The following CALN1 variants were observed in gnomAD, a reference collection of about 807,000 sequenced individuals.
The protein encoded by CALN1 is calcium-binding protein 8.
CALN1 carries 17 observed loss-of-function variants against 30.6 expected under a neutral mutation model. The observed-to-expected ratio is 0.56, with a 90% confidence interval of 0.38 to 0.83. CALN1 has a LOEUF of 0.83. Ranked by LOEUF, CALN1 falls within the 40% of genes least tolerant of loss-of-function variation. The pLI is 0.00. For synonymous variants in CALN1, 156 were observed against 131.4 expected (o/e 1.19, Z -1.28); for missense variants, 291 against 354.9 (o/e 0.82, Z 1.45).
At chr7:71,950,064 TTTGA>T (rs1323441750) in intron 5 of CALN1, among the ~76,000 whole-genome samples, 1 of 152,126 alleles carries the variant, frequency 6.6e-6, no homozygotes, top group Non-Finnish European at 1.5e-5. Flanking sequence ...GCCTGGCCAC[TTTGA>T]TTTTTAATAA....
chr7:72,197,346 C>A (rs371926574), intron 3 of CALN1, among the ~76,000 whole-genome samples: 13 of 151,894 alleles, frequency 8.6e-5, no homozygotes, highest in African/African-American at 3.1e-4. Context: ...GGATTACAGG[C>A]GCACACCACC....
At chr7:72,075,311 C>T (rs1436229966) in intron 4 of CALN1, among the ~76,000 whole-genome samples, 1 of 152,138 alleles carries the variant, frequency 6.6e-6, no homozygotes, top group Non-Finnish European at 1.5e-5. Flanking sequence ...AATGTTTGAC[C>T]AAATATCTGG....
At chr7:72,481,396 C>A in the CALN1 span, among the ~76,000 whole-genome samples, 12 of 152,174 alleles carry the variant, frequency 7.9e-5, no homozygotes, top group Non-Finnish European at 1.5e-4. Flanking sequence ...GCTGATTTCA[C>A]CAATCTTATT....
chr7:72,109,823 C>T (rs2129541491), intron 3 of CALN1, among the ~76,000 whole-genome samples: 1 of 152,338 alleles, frequency 6.6e-6, no homozygotes. Flanking sequence ...CAAGCGCCAG[C>T]TCTGCTCTGC....
At chr7:72,495,535 T>C in the CALN1 span, among the ~76,000 whole-genome samples, 23,554 of 152,178 alleles carry the variant, frequency 0.15, 2,013 homozygotes, top group African/African-American at 0.21. Flanking sequence ...CATCCCTTGC[T>C]CCATTCAAGC....
chr7:72,110,984 C>T (rs1403832099), intron 3 of CALN1, among the ~76,000 whole-genome samples: 2 of 152,126 alleles, frequency 1.3e-5, no homozygotes, highest in Non-Finnish European at 2.9e-5. Context: ...CTAGGGACCA[C>T]AGATCAAGTT....
At chr7:72,218,244 C>T (rs1160578859) in intron 3 of CALN1, among the ~76,000 whole-genome samples, 1 of 151,624 alleles carries the variant, frequency 6.6e-6, no homozygotes, top group Non-Finnish European at 1.5e-5. Flanking sequence ...GTCAGGAGAT[C>T]GAACCCATCC....
At chr7:72,388,624 A>G (rs1415336640) in intron 2 of CALN1, among the ~76,000 whole-genome samples, 1 of 152,208 alleles carries the variant, frequency 6.6e-6, no homozygotes, top group Middle Eastern at 3.2e-3. Flanking sequence ...TTCTAAAAAA[A>G]GTTTATTCTT....
At chr7:71,790,388 G>GAA (rs71991569) in intron 6 of CALN1, among the ~76,000 whole-genome samples, 11 of 108,090 alleles carry the variant, frequency 1.0e-4, no homozygotes, top group African/African-American at 4.7e-4. Context: ...AAGAAAGAAA[G>GAA]AAAGAAAGAA....
chr7:71,950,522 A>G (rs910012933), intron 5 of CALN1, among the ~76,000 whole-genome samples: 3 of 152,128 alleles, frequency 2.0e-5, no homozygotes, highest in Admixed American at 1.3e-4. Flanking sequence ...ACTTGCAAGC[A>G]TAGCCCGAAC....
At chr7:72,466,652 A>T in the CALN1 span, among the ~76,000 whole-genome samples, 35,902 of 151,806 alleles carry the variant, frequency 0.24, 4,835 homozygotes, top group Non-Finnish European at 0.31. Context: ...CTGAGGCAGG[A>T]GAATTGCTTG....
At chr7:71,812,753 AT>A (rs1788029965) in intron 5 of CALN1, among the ~76,000 whole-genome samples, 1 of 151,280 alleles carries the variant, frequency 6.6e-6, no homozygotes. Context: ...TTCTAGTTCT[AT>A]TTTTTTAGAG....
intron 3 of CALN1, among the ~76,000 whole-genome samples, chr7:72,164,240 T>C (rs768376566): frequency 2.6e-5 from 4 of 151,192 alleles, no homozygotes; most frequent in African/African-American, 4.9e-5. Context: ...TGGTGGCACA[T>C]GCCTATAATC....
the CALN1 span, among the ~76,000 whole-genome samples, chr7:72,490,306 C>T: frequency 6.6e-6 from 1 of 152,080 alleles, no homozygotes; most frequent in Admixed American, 6.6e-5. Flanking sequence ...ACAAAATAAA[C>T]AAAAACACTG....
chr7:72,491,312 T>TA, the CALN1 span, among the ~76,000 whole-genome samples: 1 of 151,944 alleles, frequency 6.6e-6, no homozygotes, highest in African/African-American at 2.4e-5. Context: ...CTCATGTCTG[T>TA]AATTCTAGCA....
At chr7:72,193,747 G>T (rs1585133639) in intron 3 of CALN1, among the ~76,000 whole-genome samples, 1 of 152,288 alleles carries the variant, frequency 6.6e-6, no homozygotes, top group South Asian at 2.1e-4. Context: ...CAGTCAATGA[G>T]TGGATAAAGA....
At chr7:72,111,907 C>T (rs894017040) in intron 3 of CALN1, among the ~76,000 whole-genome samples, 45 of 152,036 alleles carry the variant, frequency 3.0e-4, no homozygotes, top group African/African-American at 1.1e-3. Context: ...CCCACCATCA[C>T]GACGGCTAAT....
intron 3 of CALN1, among the ~76,000 whole-genome samples, chr7:72,106,953 G>T (rs1248416556): frequency 6.7e-6 from 1 of 148,158 alleles, no homozygotes; most frequent in Non-Finnish European, 1.5e-5. Flanking sequence ...AAAAGAAAAA[G>T]AAATGAAGAA....
At chr7:72,073,782 T>C (rs1804555535) in intron 4 of CALN1, among the ~76,000 whole-genome samples, 1 of 151,348 alleles carries the variant, frequency 6.6e-6, no homozygotes, top group African/African-American at 2.4e-5. Flanking sequence ...CAGTTTCAAC[T>C]TTCTGGACTC....
Sources: allele counts gnomAD v4.1 joint callset (sites outside exome capture counted in the v4.1 genomes callset), GRCh38; gene constraint gnomAD v4.1.1; transcripts MANE v1.5; gene names NCBI Gene and HGNC (gene_info 2026-07-23, HGNC 2026-07-21).